Variants in ATF1 observed in about 807,000 individuals in gnomAD.
ATF1 encodes the protein activating transcription factor 1.
In ATF1, 16 loss-of-function variants were observed where a neutral mutation model predicts 34.7. The ratio of observed to expected loss-of-function variants is 0.46; its 90% confidence interval spans 0.31 to 0.70. The LOEUF (loss-of-function observed/expected upper bound fraction) is 0.70. ATF1 is among the 30% of genes least tolerant of loss of function. The pLI is 0.05. For synonymous variants in ATF1, 105 were observed against 113.1 expected, an observed-to-expected ratio of 0.93 and a Z score of 0.46; for missense variants, 255 against 321.6, an observed-to-expected ratio of 0.79 and a Z score of 1.58.
At chr12:50,810,604 G>A (rs1378365250) in intron 4 of ATF1, among the ~76,000 whole-genome samples, 2 of 152,132 alleles carry the variant, frequency 1.3e-5, no homozygotes, top group African/African-American at 2.4e-5. Context: ...TATGAGTTTT[G>A]ACAAATGTGT....
At chr12:50,817,355 A>G (rs557735668) in intron 6 of ATF1, among the ~76,000 whole-genome samples, 1 of 152,350 alleles carries the variant, frequency 6.6e-6, no homozygotes, top group Non-Finnish European at 1.5e-5. Flanking sequence ...GACTGAATGA[A>G]TAATCATTTC....
At chr12:50,808,330 T>C (rs984017820) in intron 3 of ATF1, among the ~76,000 whole-genome samples, 5 of 152,048 alleles carry the variant, frequency 3.3e-5, no homozygotes, top group Non-Finnish European at 2.9e-5. Flanking sequence ...TTTTTTTGTT[T>C]GTTTTTGTTT....
intron 1 of ATF1, among the ~76,000 whole-genome samples, chr12:50,774,426 A>G (rs761886943): frequency 6.6e-6 from 1 of 152,080 alleles, no homozygotes; most frequent in African/African-American, 2.4e-5. Flanking sequence ...TTCTATTCCC[A>G]TTGATGGTGC....
chr12:50,765,403 G>A (rs1940608771), intron 1 of ATF1, among the ~76,000 whole-genome samples: 1 of 152,182 alleles, frequency 6.6e-6, no homozygotes, highest in South Asian at 2.1e-4. Context: ...ATCTTTTAGG[G>A]TTAGGTTTGG....
At position 50,809,849 on chromosome 12, in the gene ATF1, T is replaced by TTGTTG. The variant is rs1398009802; in HGVS notation, c.328+262_328+263insTTGTG. Reference sequence around the variant, plus strand: ...TTGTTTTGTTTTGTTTTGTTTTGTTTTGAGACAGAGTCTCGCTCTTGTTGC... The same window carrying TTGTTG: ...TTGTTTTGTTTTGTTTTGTTTTGTTTTGTTGTGAGACAGAGTCTCGCTCTTGTTGC... On this transcript the variant is annotated intron_variant, in intron 4 of 6. Transcript: ENST00000262053. 4.6e-5 allele frequency among the ~76,000 whole-genome samples: 7 copies of TTGTTG among 152,210 alleles called. No individual in the cohort carries two copies. The East Asian group carries it at 1.3e-3, about 29-fold the overall frequency.
chr12:50,780,255 C>A lies in ATF1; in HGVS notation c.93+17C>A. On this transcript the variant is annotated intron_variant, in intron 2 of 6. Coordinates refer to ENST00000262053, the MANE Select transcript of ATF1 (RefSeq NM_005171.5). ...GCTCAACAGGTAAGGGAGGGACTGG[C>A]CAAAATACTGAGCTTGTTAGGAATA... 1 of 1,548,550 alleles carries A rather than the reference C, an allele frequency of 6.5e-7. No individual in the cohort carries two copies. Among genetic ancestry groups the A allele is most frequent in the Admixed American group, 1.7e-5 (1 of 58,806 alleles).
chr12:50,778,942 T>C (rs1273046735), intron 1 of ATF1, among the ~76,000 whole-genome samples: 1 of 152,186 alleles, frequency 6.6e-6, no homozygotes, highest in Non-Finnish European at 1.5e-5. Context: ...TAGTCCCTGA[T>C]AGCCACCATT....
At chr12:50,791,981 C>G (rs11169560) in intron 2 of ATF1, among the ~76,000 whole-genome samples, 35,807 of 151,958 alleles carry the variant, frequency 0.24, 4,988 homozygotes, top group East Asian at 0.41. Flanking sequence ...CTCTTGGTTT[C>G]TTGGTTAGTT....
intron 1 of ATF1, among the ~76,000 whole-genome samples, chr12:50,767,273 T>G (rs1318446911): frequency 6.7e-6 from 1 of 150,178 alleles, no homozygotes; most frequent in African/African-American, 2.4e-5. Context: ...ATCCCAGCAC[T>G]TTGGGAGGCT....
At chr12:50,777,936 CT>C (rs71086478) in intron 1 of ATF1, among the ~76,000 whole-genome samples, 10,370 of 133,206 alleles carry the variant, frequency 0.078, 1,191 homozygotes, top group African/African-American at 0.26. Context: ...AATTTACTAT[CT>C]TTTTTTTTTT....
chr12:50,785,557 G>C (rs4768922), intron 2 of ATF1, among the ~76,000 whole-genome samples: 2 of 151,956 alleles, frequency 1.3e-5, no homozygotes, highest in African/African-American at 2.4e-5. Flanking sequence ...TGTGGGGTCA[G>C]GCATATCTTA....
chr12:50,776,493 TAAAAAAAA>T (rs771176201), intron 1 of ATF1, among the ~76,000 whole-genome samples: 1 of 116,870 alleles, frequency 8.6e-6, no homozygotes, highest in African/African-American at 3.2e-5. Context: ...ACCCTGTCTT[TAAAAAAAA>T]AAAAAAAAAA....
intron 1 of ATF1, among the ~76,000 whole-genome samples, chr12:50,768,409 A>T (rs1940691543): frequency 6.6e-6 from 1 of 152,252 alleles, no homozygotes. Flanking sequence ...CTATGGTTAA[A>T]ATAAGTTTAA....
In ATF1 at chr12:50,820,642, CCTT is replaced by C. The variant is rs1296714398; in HGVS notation, c.*866_*868del. On this transcript the variant is annotated 3_prime_UTR_variant, in exon 7 of 7. Coordinates refer to ENST00000262053, the MANE Select transcript of ATF1 (RefSeq NM_005171.5). ...CCCTTAAAATATTATTTTTAAAAAA[CCTT>C]CTGAAGATACATACCAAAGTTTTTC... 5.1e-5 allele frequency: 9 copies of C among 177,164 alleles called. No homozygotes were observed. The highest frequency in any genetic ancestry group is 9.7e-5 in the Non-Finnish European group (8 of 82,096). The allele number at this position is 177,164 out of a possible 1,614,324, so 11.0% of individuals were successfully genotyped here.
At chr12:50,784,120 A>G (rs543575259) in intron 2 of ATF1, among the ~76,000 whole-genome samples, 2 of 152,104 alleles carry the variant, frequency 1.3e-5, no homozygotes, top group Admixed American at 1.3e-4. Context: ...CCGTGATTGC[A>G]CCATTGCACT....
chr12:50,789,855 G>C (rs777335573), intron 2 of ATF1, among the ~76,000 whole-genome samples: 1 of 152,124 alleles, frequency 6.6e-6, no homozygotes, highest in Non-Finnish European at 1.5e-5. Context: ...GAGTGGGGTT[G>C]GGAAGAGAAT....
intron 1 of ATF1, among the ~76,000 whole-genome samples, chr12:50,773,944 A>G (rs746475688): frequency 2.0e-5 from 3 of 152,048 alleles, no homozygotes; most frequent in Non-Finnish European, 4.4e-5. Flanking sequence ...TTTGATTTAC[A>G]TTTCTCTAAT....
chr12:50,818,912 T>G (rs1327411481), intron 6 of ATF1, among the ~76,000 whole-genome samples: 1 of 152,212 alleles, frequency 6.6e-6, no homozygotes, highest in Non-Finnish European at 1.5e-5. Context: ...GGCCAATACT[T>G]CCGATTTCTA....
intron 1 of ATF1, among the ~76,000 whole-genome samples, chr12:50,779,886 A>G (rs1941016545): frequency 6.6e-6 from 1 of 152,186 alleles, no homozygotes; most frequent in African/African-American, 2.4e-5. Context: ...TCATTCTTCA[A>G]TGGGATAACG....
Sources: allele counts gnomAD v4.1 joint callset (sites outside exome capture counted in the v4.1 genomes callset), GRCh38; gene constraint gnomAD v4.1.1; transcripts MANE v1.5; gene names NCBI Gene and HGNC (gene_info 2026-07-23, HGNC 2026-07-21).